APBA2: variants seen among roughly 807,000 people sequenced by gnomAD.
APBA2 encodes the protein amyloid beta precursor protein binding family A member 2.
Under a neutral mutation model 75.0 loss-of-function variants are expected in APBA2, and 30 were observed. The ratio of observed to expected loss-of-function variants is 0.40; its 90% CI spans 0.30 to 0.54. APBA2 has a LOEUF of 0.54. Ranked by LOEUF, APBA2 falls within the 20% of genes least tolerant of loss-of-function variation. The pLI is 0.49. For synonymous variants in APBA2, 444 were observed against 409.6 expected (o/e 1.08, Z -1.01); for missense variants, 801 against 1,016.1 (o/e 0.79, Z 2.88).
At chr15:29,007,346 A>G (rs1159356226) in intron 3 of APBA2, among the ~76,000 whole-genome samples, 2 of 152,316 alleles carry the variant, frequency 1.3e-5, no homozygotes, top group South Asian at 2.1e-4. Flanking sequence ...TGGATGTGAC[A>G]CCAAAGGCAC....
At chr15:28,924,894 C>G (rs2034176496) in intron 2 of APBA2, among the ~76,000 whole-genome samples, 2 of 152,182 alleles carry the variant, frequency 1.3e-5, no homozygotes, top group African/African-American at 4.8e-5. Flanking sequence ...TGAGGATTCT[C>G]ATTTTCCCCC....
chr15:28,951,335 A>C (rs961272985), intron 2 of APBA2, among the ~76,000 whole-genome samples: 2 of 152,180 alleles, frequency 1.3e-5, no homozygotes, highest in African/African-American at 4.8e-5. Context: ...TACCCAAAGA[A>C]AACTGTACCT....
Position 29,101,652 on chromosome 15 carries a change from G to T in APBA2, c.1392G>T (p.Gly464=). The change falls in exon 10 of 15, where the codon GGG becomes GGT. Residue 464 remains glycine (G), a synonymous_variant. Transcript: ENST00000683413. The part of the protein sequence containing the change: ...LRTISYIADI[G]NIVVLMARRR... ...CCATCTCCTACATCGCCGACATTGG[G>T]AACATTGTAGTGCTGATGGCCAGAC... 1.2e-6 allele frequency: 2 copies of T among 1,613,758 alleles called. No individual in the cohort carries two copies. The highest frequency in any genetic ancestry group is 1.7e-6 in the Non-Finnish European group (2 of 1,180,028).
intron 8 of APBA2, among the ~76,000 whole-genome samples, chr15:29,095,834 G>A (rs2043824009): frequency 6.6e-6 from 1 of 152,226 alleles, no homozygotes; most frequent in African/African-American, 2.4e-5. Flanking sequence ...CTCCAGGCAA[G>A]GCAGAATGTG....
In APBA2 at chr15:29,117,082, C is replaced by T. The variant is rs779082827; in HGVS notation, c.2199C>T (p.Pro733=). The T allele has an allele frequency of 3.5e-5, 57 of 1,613,236 alleles. No homozygotes were observed. The highest frequency in any genetic ancestry group is 3.3e-4 in the South Asian group (30 of 91,078). The change falls in exon 15 of 15, where the codon CCC becomes CCT. Residue 733 remains proline (P), a synonymous_variant. Coordinates refer to ENST00000683413, the MANE Select transcript of APBA2 (RefSeq NM_001353788.2). ...SVGEIHMKTM[P]AAMFRLLTGQ... ...CGCAGATCCACATGAAGACCATGCC[C>T]GCCGCCATGTTCAGGCTCCTCACGG...
intron 3 of APBA2, among the ~76,000 whole-genome samples, chr15:29,017,083 G>A (rs751545583): frequency 1.3e-5 from 2 of 152,092 alleles, no homozygotes; most frequent in Non-Finnish European, 2.9e-5. Context: ...GATTCGGTGG[G>A]TGTTTGTGCA....
Position 29,094,329 on chromosome 15 carries a change from A to G in APBA2, c.1251+16A>G. 6.2e-7 allele frequency: 1 copy of G among 1,613,236 alleles called. No individual in the cohort carries two copies. The highest frequency in any genetic ancestry group is 2.2e-5 in the East Asian group (1 of 44,804). The stretch of plus-strand genomic sequence containing the variant: ...GAAAAAAGCGGTGTGTAGGGCCTTG[A>G]GGCCCTGGGACAGTGTTGTTTGCTT... On this transcript the variant is annotated intron_variant, in intron 8 of 14. Transcript: ENST00000683413.
intron 2 of APBA2, among the ~76,000 whole-genome samples, chr15:28,922,414 A>T (rs1566800865): frequency 6.6e-6 from 1 of 152,162 alleles, no homozygotes; most frequent in Non-Finnish European, 1.5e-5. Context: ...ATTGTGCAGG[A>T]CATGTTCTCG....
chr15:29,064,854 G>A (rs569783618), intron 4 of APBA2, among the ~76,000 whole-genome samples: 34 of 152,150 alleles, frequency 2.2e-4, no homozygotes, highest in South Asian at 4.1e-4. Context: ...GAAAGCACCC[G>A]TTGGCGGTGG....
intron 4 of APBA2, among the ~76,000 whole-genome samples, chr15:29,067,167 A>G (rs1175920204): frequency 6.6e-6 from 1 of 152,084 alleles, no homozygotes; most frequent in Non-Finnish European, 1.5e-5. Context: ...TTCATGAAAG[A>G]TTCACCCCAT....
chr15:29,107,312 G>A (rs944791529), intron 12 of APBA2, among the ~76,000 whole-genome samples: 10 of 152,188 alleles, frequency 6.6e-5, no homozygotes, highest in Non-Finnish European at 1.2e-4. Flanking sequence ...TTTGGGAGGT[G>A]CTGCCTGTCG....
intron 3 of APBA2, among the ~76,000 whole-genome samples, chr15:29,041,667 T>G (rs1373798402): frequency 6.6e-6 from 1 of 152,044 alleles, no homozygotes; most frequent in Admixed American, 6.6e-5. Flanking sequence ...TTTGGAAGAT[T>G]CAGTATAGTT....
At chr15:29,074,317 G>T (rs1421909921) in intron 4 of APBA2, among the ~76,000 whole-genome samples, 1 of 152,214 alleles carries the variant, frequency 6.6e-6, no homozygotes, top group Non-Finnish European at 1.5e-5. Context: ...GCCCTTAAAG[G>T]AAGGAAATTC....
intron 13 of APBA2, among the ~76,000 whole-genome samples, chr15:29,109,401 T>A (rs922726467): frequency 3.9e-5 from 6 of 152,180 alleles, no homozygotes; most frequent in Non-Finnish European, 8.8e-5. Flanking sequence ...TACTGAGAGC[T>A]TATTGCTTAT....
At chr15:29,087,733 C>T (rs2043352714) in intron 6 of APBA2, among the ~76,000 whole-genome samples, 1 of 151,558 alleles carries the variant, frequency 6.6e-6, no homozygotes, top group Non-Finnish European at 1.5e-5. Context: ...CCACTCCTGC[C>T]TCCTTTCCCC....
At chr15:29,108,592 C>T (rs1431319628) in intron 13 of APBA2, 1 of 772,304 alleles carries the variant, frequency 1.3e-6, no homozygotes, top group African/African-American at 1.7e-5. Context: ...AGGGCCAGGG[C>T]ATGGCCGTGG....
At chr15:29,105,982 A>G (rs2044383384) in intron 11 of APBA2, among the ~76,000 whole-genome samples, 1 of 152,180 alleles carries the variant, frequency 6.6e-6, no homozygotes, top group Non-Finnish European at 1.5e-5. Context: ...TGGGCAGAGG[A>G]GCAAATTCCC....
chr15:29,038,149 C>G (rs1174881429), intron 3 of APBA2, among the ~76,000 whole-genome samples: 6 of 152,160 alleles, frequency 3.9e-5, no homozygotes, highest in African/African-American at 1.4e-4. Flanking sequence ...CTGTGCTTGC[C>G]AGCTCTGTGC....
At chr15:28,889,488 G>A (rs905148941) in intron 1 of APBA2, among the ~76,000 whole-genome samples, 3 of 152,184 alleles carry the variant, frequency 2.0e-5, no homozygotes, top group Admixed American at 6.5e-5. Flanking sequence ...CCACATCCAC[G>A]TTACTCGGCT....
Sources: gnomAD v4.1 joint callset for allele counts (sites outside exome capture counted in the v4.1 genomes callset) on GRCh38, gnomAD v4.1.1 for gene constraint, MANE v1.5 for transcripts, NCBI Gene and HGNC (gene_info 2026-07-23, HGNC 2026-07-21) for gene names.